The following ST3GAL6 variants were observed in gnomAD, a reference collection of about 807,000 sequenced individuals.
The protein encoded by ST3GAL6 is ST3 beta-galactoside alpha-2,3-sialyltransferase 6, also known as type 2 lactosamine alpha-2,3-sialyltransferase.
ST3GAL6 carries 31 observed loss-of-function variants against 40.5 expected under a neutral mutation model. The observed-to-expected ratio is 0.77, with a 90% confidence interval of 0.58 to 1.03. The LOEUF is 1.03. ST3GAL6 is among the 50% of genes least tolerant of loss of function. The probability of loss-of-function intolerance (pLI) is 0.00; values close to 1 mark genes in which losing one functional copy is unlikely to be tolerated. For missense variants in ST3GAL6, 357 were observed against 393.2 expected (o/e 0.91, Z 0.78); for synonymous variants, 129 against 136.9 (o/e 0.94, Z 0.40).
chr3:98,757,356 A>G (rs933147829), intron 1 of ST3GAL6, among the ~76,000 whole-genome samples: 5 of 152,118 alleles, frequency 3.3e-5, no homozygotes, highest in Admixed American at 6.6e-5. Flanking sequence ...GCTTGTTCCT[A>G]TTGAGATTGC....
chr3:98,741,057 T>C (rs1259690585), intron 1 of ST3GAL6, among the ~76,000 whole-genome samples: 1 of 140,004 alleles, frequency 7.1e-6, no homozygotes, highest in East Asian at 2.1e-4. Flanking sequence ...ATTCAGTGTG[T>C]GTGTGTGTGT....
chr3:98,740,899 C>T (rs1023870039), intron 1 of ST3GAL6, among the ~76,000 whole-genome samples: 3 of 152,192 alleles, frequency 2.0e-5, no homozygotes, highest in Non-Finnish European at 4.4e-5. Flanking sequence ...TTCCTCTTAG[C>T]ACCTGGCTTC....
At chr3:98,778,969 A>C (rs537383419) in intron 5 of ST3GAL6, among the ~76,000 whole-genome samples, 2 of 152,202 alleles carry the variant, frequency 1.3e-5, no homozygotes. Context: ...TGTGGATTGC[A>C]CAACTCCAGG....
intron 1 of ST3GAL6, among the ~76,000 whole-genome samples, chr3:98,750,250 G>A (rs181691810): frequency 3.3e-5 from 5 of 152,344 alleles, no homozygotes; most frequent in Admixed American, 3.3e-4. Context: ...TTCTATGGAA[G>A]TGAAACATCT....
intron 2 of ST3GAL6, 82 bp downstream of exon 2, chr3:98,768,611 G>C: frequency 9.8e-7 from 1 of 1,024,192 alleles, no homozygotes; most frequent in Admixed American, 2.1e-5. Flanking sequence ...AGGGTCCTAT[G>C]AAAAAAACTT....
rs1018607509 is a variant in ST3GAL6 at position 98,737,305 on chromosome 3, C to T, written c.-12+4773C>T. On this transcript the variant is annotated intron_variant, in intron 1 of 9. Coordinates refer to the ST3GAL6 transcript ENST00000265261. ...AATTCAGGTGATCCGCCCACTTCGGCCTCCTAAAGTGTTGGGATTACAGGC... is the reference window on the plus strand; with the variant it reads ...AATTCAGGTGATCCGCCCACTTCGGTCTCCTAAAGTGTTGGGATTACAGGC... Among the ~76,000 whole-genome samples, 6 of 152,206 alleles carry T rather than the reference C, an allele frequency of 3.9e-5. No homozygotes were observed. In the East Asian group the frequency reaches 1.2e-3, roughly 29 times the overall value.
rs140585383 is a variant in ST3GAL6 at position 98,793,679 on chromosome 3, C to T, written c.914C>T (p.Ala305Val). 120 of 1,578,096 alleles carry T rather than the reference C, an allele frequency of 7.6e-5. 3 individuals carry two copies. In the South Asian group the frequency reaches 1.2e-3, roughly 16 times the overall value. Residue 305 changes from alanine to valine, a missense_variant, in exon 10 of 10, where the codon GCG (alanine) becomes GTG (valine). Transcript: ENST00000483910. The part of the protein sequence containing the change: ...NATMSLMNKN[A>V]YHNVTAEQLF... ...AATTGTATTTTTCTTCTTTAGAACG[C>T]GTATCACAATGTGACTGCAGAGCAG... is the stretch of plus-strand genomic sequence containing the variant.
intron 5 of ST3GAL6, among the ~76,000 whole-genome samples, chr3:98,777,890 A>G (rs1576107391): frequency 3.3e-5 from 5 of 152,356 alleles, no homozygotes; most frequent in South Asian, 2.1e-4. Context: ...TACTAAAAAT[A>G]TGGCCATATT....
intron 5 of ST3GAL6, among the ~76,000 whole-genome samples, chr3:98,777,483 A>T (rs1378606694): frequency 1.3e-5 from 2 of 152,224 alleles, no homozygotes; most frequent in South Asian, 4.1e-4. Context: ...GGACTCCATC[A>T]CAAGGCCACC....
intron 1 of ST3GAL6, among the ~76,000 whole-genome samples, chr3:98,736,840 A>C (rs553561358): frequency 2.0e-5 from 3 of 152,354 alleles, no homozygotes; most frequent in Admixed American, 2.0e-4. Flanking sequence ...TTTGAGAAAC[A>C]GAAGGTGCAG....
intron 1 of ST3GAL6, chr3:98,732,994 C>A (rs1031469555): frequency 4.7e-6 from 7 of 1,477,410 alleles, no homozygotes; most frequent in East Asian, 2.7e-5. Flanking sequence ...GGCTTCGCTG[C>A]GGGTTTGCAC....
At chr3:98,749,938 A>G (rs535019389) in intron 1 of ST3GAL6, among the ~76,000 whole-genome samples, 2 of 152,366 alleles carry the variant, frequency 1.3e-5, no homozygotes, top group Admixed American at 1.3e-4. Flanking sequence ...AGAAATTCTT[A>G]TAGTTTGTAT....
intron 1 of ST3GAL6, among the ~76,000 whole-genome samples, chr3:98,745,642 A>G (rs1936485665): frequency 6.6e-6 from 1 of 152,120 alleles, no homozygotes; most frequent in South Asian, 2.1e-4. Context: ...AAAATCACCA[A>G]CTTTCAGAAG....
chr3:98,751,077 T>C (rs1936977222), intron 1 of ST3GAL6, among the ~76,000 whole-genome samples: 1 of 151,610 alleles, frequency 6.6e-6, no homozygotes, highest in Non-Finnish European at 1.5e-5. Context: ...AGTCTCGCTC[T>C]GTTGCCCAGG....
chr3:98,770,685 C>T (rs1384937024), intron 2 of ST3GAL6, among the ~76,000 whole-genome samples, 194 bp from the exon 3 acceptor site: 3 of 152,150 alleles, frequency 2.0e-5, no homozygotes, highest in Non-Finnish European at 4.4e-5. Context: ...CCTCCCTTTC[C>T]TTACATCCAT....
chr3:98,768,605 T>C, intron 2 of ST3GAL6, 76 bp downstream of exon 2: 1 of 1,109,490 alleles, frequency 9.0e-7, no homozygotes, highest in Admixed American at 2.1e-5. Context: ...TAGTAGAGGG[T>C]CCTATGAAAA....
At chr3:98,759,697 CGG>C (rs1937597432), upstream of ST3GAL6, among the ~76,000 whole-genome samples, 2 of 151,988 alleles carry the variant, frequency 1.3e-5, no homozygotes, top group East Asian at 3.9e-4. Flanking sequence ...CCAACTCTTG[CGG>C]TCTTCCCAGC....
At chr3:98,758,128 C>T (rs571981764) in intron 1 of ST3GAL6, among the ~76,000 whole-genome samples, 13 of 152,296 alleles carry the variant, frequency 8.5e-5, no homozygotes, top group South Asian at 8.3e-4. Flanking sequence ...CTTGAGCCAC[C>T]GTGCCCGGTC....
At chr3:98,754,317 G>A (rs1040890579) in intron 1 of ST3GAL6, among the ~76,000 whole-genome samples, 1 of 152,218 alleles carries the variant, frequency 6.6e-6, no homozygotes, top group Non-Finnish European at 1.5e-5. Context: ...TGTAGTGGAG[G>A]AAGAAACTGC....
Sources: allele counts gnomAD v4.1 joint callset (sites outside exome capture counted in the v4.1 genomes callset), GRCh38; gene constraint gnomAD v4.1.1; transcripts MANE v1.5; gene names NCBI Gene and HGNC (gene_info 2026-07-23, HGNC 2026-07-21).